The following ARL15 variants were observed in gnomAD, a reference collection of about 807,000 sequenced individuals.
ARL15 encodes the protein ADP-ribosylation factor-like protein 15.
Under a neutral mutation model 25.2 loss-of-function variants are expected in ARL15, and 19 were observed. The observed-to-expected ratio is 0.75, with a 90% CI of 0.53 to 1.10. The LOEUF is 1.10. Ranked by LOEUF, ARL15 falls within the 50% of genes least tolerant of loss-of-function variation. The probability of loss-of-function intolerance (pLI) is 0.00; values close to 1 mark genes in which losing one functional copy is unlikely to be tolerated. For synonymous variants in ARL15, 94 were observed against 86.8 expected, an observed-to-expected ratio of 1.08 and a Z score of -0.46; for missense variants, 220 against 246.0, an observed-to-expected ratio of 0.89 and a Z score of 0.71.
At chr5:54,198,945 A>G (rs982815273) in intron 1 of ARL15, among the ~76,000 whole-genome samples, 2,745 of 152,258 alleles carry the variant, frequency 0.018, 37 homozygotes, top group Non-Finnish European at 0.025. Context: ...GTACCAAAAC[A>G]GAGATATAGA....
intron 1 of ARL15, among the ~76,000 whole-genome samples, chr5:54,309,578 T>A (rs1758844451): frequency 6.6e-6 from 1 of 152,196 alleles, no homozygotes; most frequent in African/African-American, 2.4e-5. Context: ...GTAAACACAA[T>A]AATCGTATAG....
intron 4 of ARL15, among the ~76,000 whole-genome samples, chr5:54,063,516 A>G (rs992229694): frequency 3.9e-5 from 6 of 152,218 alleles, no homozygotes; most frequent in Non-Finnish European, 8.8e-5. Context: ...CAGCTTTCTC[A>G]CACAGCACAA....
intron 1 of ARL15, among the ~76,000 whole-genome samples, chr5:54,244,559 G>C (rs1222000903): frequency 6.6e-6 from 1 of 152,074 alleles, no homozygotes; most frequent in Non-Finnish European, 1.5e-5. Context: ...ACACAATAAA[G>C]GTCAAGCTAA....
chr5:54,133,477 C>T (rs988164739), intron 3 of ARL15, among the ~76,000 whole-genome samples: 2 of 152,082 alleles, frequency 1.3e-5, no homozygotes, highest in Admixed American at 6.5e-5. Flanking sequence ...TGGCCAAATA[C>T]GTGATTTGTC....
intron 2 of ARL15, among the ~76,000 whole-genome samples, chr5:54,168,758 T>C (rs931731451): frequency 6.6e-6 from 1 of 152,180 alleles, no homozygotes; most frequent in Non-Finnish European, 1.5e-5. Flanking sequence ...TACTCAAATG[T>C]AACCTTAACT....
intron 4 of ARL15, among the ~76,000 whole-genome samples, chr5:53,903,027 G>A (rs1745121318): frequency 6.6e-6 from 1 of 152,116 alleles, no homozygotes; most frequent in Non-Finnish European, 1.5e-5. Flanking sequence ...CTAATATCCT[G>A]GCAACTGAGA....
chr5:54,118,806 T>C (rs1422514301), intron 3 of ARL15, among the ~76,000 whole-genome samples: 2 of 152,140 alleles, frequency 1.3e-5, no homozygotes, highest in African/African-American at 4.8e-5. Flanking sequence ...GAATTGTGTG[T>C]TGCCCAGGAA....
At position 54,056,237 on chromosome 5, in the gene ARL15, T is replaced by C. The variant is rs530905076; in HGVS notation, c.462+56965A>G. ...TCATATGGTTACTGAATTTAATAAGTTATGTTTTTAAAGAGTTTAACCCAA... is the reference window on the plus strand; with the variant it reads ...TCATATGGTTACTGAATTTAATAAGCTATGTTTTTAAAGAGTTTAACCCAA... On this transcript the variant is annotated intron_variant, in intron 4 of 4. Transcript: ENST00000504924. Among the ~76,000 whole-genome samples the C allele has an allele frequency of 2.0e-5, 3 of 152,218 alleles. No individual in the cohort carries two copies. In the East Asian group the frequency reaches 5.8e-4, roughly 29 times the overall value.
chr5:54,145,075 T>G (rs549001208), intron 3 of ARL15, among the ~76,000 whole-genome samples: 1 of 152,192 alleles, frequency 6.6e-6, no homozygotes. Context: ...TTGTTTCTTT[T>G]CTTACCATTT....
intron 4 of ARL15, among the ~76,000 whole-genome samples, chr5:53,921,317 T>C (rs1360675152): frequency 6.6e-6 from 1 of 152,236 alleles, no homozygotes; most frequent in Admixed American, 6.5e-5. Context: ...TGTTCTTACC[T>C]ATGGGTATAC....
intron 4 of ARL15, among the ~76,000 whole-genome samples, chr5:53,997,589 A>C (rs1461486244): frequency 6.6e-6 from 1 of 152,168 alleles, no homozygotes; most frequent in Non-Finnish European, 1.5e-5. Flanking sequence ...CTTGGAGGTC[A>C]TTTGATTAAC....
At chr5:54,190,050 C>T (rs1755352114) in intron 1 of ARL15, among the ~76,000 whole-genome samples, 1 of 152,096 alleles carries the variant, frequency 6.6e-6, no homozygotes, top group Non-Finnish European at 1.5e-5. Flanking sequence ...TAATTAAGTA[C>T]ATGAAAAGAT....
At chr5:54,092,074 C>CACACACACACT (rs1561220828) in intron 4 of ARL15, among the ~76,000 whole-genome samples, 20 of 95,970 alleles carry the variant, frequency 2.1e-4, no homozygotes, top group African/African-American at 7.4e-4. Context: ...ACACACACAC[C>CACACACACACT]ACCACCACCA....
At chr5:53,998,506 T>G (rs574715635) in intron 4 of ARL15, among the ~76,000 whole-genome samples, 2 of 152,228 alleles carry the variant, frequency 1.3e-5, no homozygotes, top group East Asian at 3.9e-4. Flanking sequence ...GTTCAGCACT[T>G]GGGTTATATA....
chr5:53,921,642 T>C (rs1745863820), intron 4 of ARL15, among the ~76,000 whole-genome samples: 1 of 151,820 alleles, frequency 6.6e-6, no homozygotes, highest in South Asian at 2.1e-4. Flanking sequence ...TGTGGTGGAG[T>C]GCGCCAGTAG....
chr5:54,067,475 TC>T (rs1480808747), intron 4 of ARL15, among the ~76,000 whole-genome samples: 2 of 152,230 alleles, frequency 1.3e-5, no homozygotes, highest in African/African-American at 2.4e-5. Context: ...TATATACTCA[TC>T]TTTTTCTTCA....
chr5:54,229,841 C>T (rs3756481), intron 1 of ARL15, among the ~76,000 whole-genome samples: 97,020 of 151,948 alleles, frequency 0.64, 31,728 homozygotes, highest in Non-Finnish European at 0.71. Flanking sequence ...CTGATCCCCA[C>T]CGGCAATCTC....
In ARL15 at chr5:54,310,565, G is replaced by A. The variant is rs1346935744; in HGVS notation, c.-86C>T. Reference sequence around the variant, plus strand: ...CTGCGAGCGAGCAGCTCCTGAAAAAGCCAGCAACAGCGAAAATAGCCGAAA... The same window carrying A: ...CTGCGAGCGAGCAGCTCCTGAAAAAACCAGCAACAGCGAAAATAGCCGAAA... On this transcript the variant is annotated 5_prime_UTR_variant, in exon 1 of 5. Transcript: ENST00000504924. 1 of 1,438,472 alleles carries A rather than the reference G, an allele frequency of 7.0e-7. No individual in the cohort carries two copies. Among genetic ancestry groups the A allele is most frequent in the African/African-American group, 1.4e-5 (1 of 69,300 alleles). 89.1% of individuals were successfully genotyped at this position (1,438,472 alleles called of 1,614,324 possible). A position where few individuals can be genotyped will look rare whatever the true frequency, so the allele number is the denominator to read the frequency against.
At chr5:53,904,595 T>C (rs550034569) in intron 4 of ARL15, among the ~76,000 whole-genome samples, 1 of 152,144 alleles carries the variant, frequency 6.6e-6, no homozygotes. Context: ...TGAAAAATCA[T>C]AGGTAATGGC....
Sources: allele counts gnomAD v4.1 joint callset (sites outside exome capture counted in the v4.1 genomes callset), GRCh38; gene constraint gnomAD v4.1.1; transcripts MANE v1.5; gene names NCBI Gene and HGNC (gene_info 2026-07-23, HGNC 2026-07-21).